Variants in NLRP13 observed in about 807,000 individuals in gnomAD.
NLRP13 encodes NLR family pyrin domain containing 13.
A neutral mutation model predicts 94.4 loss-of-function variants in NLRP13; 82 were observed. The observed-to-expected ratio is 0.87, with a 90% CI of 0.73 to 1.04. NLRP13 has a LOEUF of 1.04. Ranked by LOEUF, NLRP13 falls within the 50% of genes least tolerant of loss-of-function variation. NLRP13 has a pLI of 0.00. For missense variants in NLRP13, 1,426 were observed against 1,230.8 expected (o/e 1.16, Z -2.37); for synonymous variants, 553 against 464.7 (o/e 1.19, Z -2.45).
chr19:55,913,457 G>A (rs1193912439), intron 4 of NLRP13, among the ~76,000 whole-genome samples, 164 bp from the exon 5 acceptor site: 1 of 148,336 alleles, frequency 6.7e-6, no homozygotes, highest in Non-Finnish European at 1.5e-5. Flanking sequence ...GGCTGAGGTA[G>A]GAGAATGGCG....
At chr19:55,909,931 C>CCTT (rs1384609553) in intron 6 of NLRP13, among the ~76,000 whole-genome samples, 1 of 152,120 alleles carries the variant, frequency 6.6e-6, no homozygotes, top group African/African-American at 2.4e-5. Context: ...TCAGTGAGGC[C>CCTT]CTTCTGCCTT....
intron 1 of NLRP13, among the ~76,000 whole-genome samples, chr19:55,930,901 A>ATATATATATATGTATATATATATTTTT (rs1338071833): frequency 1.0e-5 from 1 of 98,286 alleles, no homozygotes; most frequent in African/African-American, 5.8e-5. Context: ...TATATATAAA[A>ATATATATATATGTATATATATATTTTT]TTTTAACCAG....
chr19:55,901,939 GC>G, intron 9 of NLRP13, 95 bp downstream of exon 9: 4 of 1,290,584 alleles, frequency 3.1e-6, no homozygotes, highest in Non-Finnish European at 4.3e-6. Flanking sequence ...GCTTGTCCAC[GC>G]CTCATTCAAA....
chr19:55,910,751 A>G lies in NLRP13; in HGVS notation c.2112-18T>C. The G allele has an allele frequency of 6.3e-7, 1 of 1,586,112 alleles. No homozygotes were observed. Among genetic ancestry groups the G allele is most frequent in the African/African-American group, 1.3e-5 (1 of 74,568 alleles). ...TGCTTGTCCTTCATGAGGGAGAGAC[A>G]GAACACGGATAAGAGCAAATTAGCC... On this transcript the variant is annotated intron_variant, in intron 5 of 10. Transcript: ENST00000342929.
chr19:55,913,252 G>A lies in NLRP13; in HGVS notation c.565C>T (p.Leu189=), dbSNP rs748893537. ...CAACTGATGTTGTCCCATGTCTCCA[G>A]TAGTTCAGCCTTCATGTTCTCTCTG... ...KYRENMKAEL[L]ETWDNISWPK... The change falls in exon 5 of 11, where the codon CTG becomes TTG. Residue 189 remains leucine, a synonymous_variant. Coordinates refer to ENST00000342929, the MANE Select transcript of NLRP13 (RefSeq NM_176810.2). 3.1e-6 allele frequency: 5 copies of A among 1,614,118 alleles called. No individual in the cohort carries two copies. Among genetic ancestry groups the A allele is most frequent in the Non-Finnish European group, 4.2e-6 (5 of 1,180,018 alleles).
intron 6 of NLRP13, among the ~76,000 whole-genome samples, chr19:55,909,278 C>T (rs1986438393): frequency 6.6e-6 from 1 of 152,208 alleles, no homozygotes; most frequent in Admixed American, 6.5e-5. Context: ...GTCATTCATT[C>T]CTCCTTGGAT....
chr19:55,906,577 C>T (rs372981069), intron 7 of NLRP13, among the ~76,000 whole-genome samples: 8 of 152,156 alleles, frequency 5.3e-5, no homozygotes, highest in African/African-American at 1.9e-4. Flanking sequence ...AGGACTCCCT[C>T]AGGCTTCTCA....
chr19:55,893,475 A>G (rs1403181950), downstream of NLRP13, among the ~76,000 whole-genome samples: 1 of 152,182 alleles, frequency 6.6e-6, no homozygotes. Context: ...ACCTACCTAC[A>G]GAAAGACTAA....
intron 1 of NLRP13, among the ~76,000 whole-genome samples, chr19:55,930,237 C>T (rs1366374974): frequency 1.3e-5 from 2 of 152,210 alleles, no homozygotes; most frequent in East Asian, 3.8e-4. Flanking sequence ...GGGCTCATGT[C>T]CCAGCTCTCC....
chr19:55,924,093 G>C (rs1228575891), intron 3 of NLRP13, 114 bp from the exon 4 acceptor site: 2 of 789,830 alleles, frequency 2.5e-6, no homozygotes, highest in Non-Finnish European at 4.4e-6. Context: ...AGAGTGAAGA[G>C]ACTGGAGAAA....
intron 4 of NLRP13, among the ~76,000 whole-genome samples, chr19:55,917,294 T>C (rs1986697344): frequency 6.6e-6 from 1 of 151,888 alleles, no homozygotes; most frequent in South Asian, 2.1e-4. Flanking sequence ...ACCAGTCTTA[T>C]AAAGCAATTA....
In NLRP13 at chr19:55,910,751, A is replaced by T; in HGVS notation, c.2112-18T>A. The T allele has an allele frequency of 1.3e-6, 2 of 1,586,112 alleles. No individual in the cohort carries two copies. The highest frequency in any genetic ancestry group is 1.7e-6 in the Non-Finnish European group (2 of 1,159,572). Reference sequence around the variant, plus strand: ...TGCTTGTCCTTCATGAGGGAGAGACAGAACACGGATAAGAGCAAATTAGCC... The same window carrying T: ...TGCTTGTCCTTCATGAGGGAGAGACTGAACACGGATAAGAGCAAATTAGCC... On this transcript the variant is annotated intron_variant, in intron 5 of 10. Coordinates refer to ENST00000342929, the MANE Select transcript of NLRP13 (RefSeq NM_176810.2).
chr19:55,909,332 C>G (rs933755724), intron 6 of NLRP13, among the ~76,000 whole-genome samples: 2 of 152,140 alleles, frequency 1.3e-5, no homozygotes, highest in Non-Finnish European at 2.9e-5. Flanking sequence ...CAGCTGTGCT[C>G]CAGCTCCAGA....
rs757345411 is a variant in NLRP13 at position 55,902,050 on chromosome 19, T to C, written c.2774A>G (p.Asn925Ser). The change falls in exon 9 of 11, where the codon AAC becomes AGC. Residue 925 changes from asparagine to serine, a missense_variant. Coordinates refer to ENST00000342929, the MANE Select transcript of NLRP13 (RefSeq NM_176810.2). ...GAAAACTTACTTCAGGCTCTGCAGG[T>C]TACCATCTGGGCGACCCAAGGCCTC... ...LCEALGRPDG[N>S]LQSLNLSGCS... 4 of 1,614,026 alleles carry C rather than the reference T, an allele frequency of 2.5e-6. No individual in the cohort carries two copies. Among genetic ancestry groups the C allele is most frequent in the East Asian group, 2.2e-5 (1 of 44,868 alleles).
chr19:55,904,972 GT>G lies in NLRP13; in HGVS notation c.2587del (p.Thr863LeufsTer7). ...TCTCTCTAAGGCACACTTGGGGTGA[GT>G]CAGGGCCGCACACAATAGCTTTATG... The part of the protein sequence containing the change: ...DGIKLLCAAL[T>X]HPKCALERLE... On this transcript the variant is annotated frameshift_variant, in exon 8 of 11. Transcript: ENST00000342929. LOFTEE classifies it high-confidence loss of function. 6.2e-7 allele frequency: 1 copy of G among 1,614,002 alleles called. No homozygotes were observed. The highest frequency in any genetic ancestry group is 2.2e-5 in the East Asian group (1 of 44,874).
chr19:55,918,492 C>G (rs1490981577), intron 4 of NLRP13, among the ~76,000 whole-genome samples: 1 of 151,604 alleles, frequency 6.6e-6, no homozygotes, highest in East Asian at 1.9e-4. Flanking sequence ...GCTATACTAA[C>G]TAATGAAAGA....
At chr19:55,929,911 T>TA (rs957444522) in intron 1 of NLRP13, among the ~76,000 whole-genome samples, 24 of 151,812 alleles carry the variant, frequency 1.6e-4, no homozygotes, top group Admixed American at 6.6e-4. Context: ...ATTAAGACAG[T>TA]AAAAAAAAGA....
rs1986907200 is a variant in NLRP13, at chr19:55,923,987, A to G, written c.458-8T>C. The G allele has an allele frequency of 6.2e-7, 1 of 1,611,498 alleles. No individual in the cohort carries two copies. Among genetic ancestry groups the G allele is most frequent in the Non-Finnish European group, 8.5e-7 (1 of 1,177,710 alleles). The stretch of plus-strand genomic sequence containing the variant: ...CCTGGGCCTGTACATTCCCTGAAAT[A>G]AACAGTGATGATGAGATATGAAAAT... On this transcript the variant is annotated splice_polypyrimidine_tract_variant and splice_region_variant and intron_variant, in intron 3 of 10. Transcript: ENST00000342929.
Position 55,912,136 on chromosome 19 carries a change from T to A in NLRP13, c.1681A>T (p.Thr561Ser), listed in dbSNP as rs1465389480. ...AACATCTTCATCTCTTGTGGCTTTGTGGAATGGGGAGGGAATTCTCTAGGT... is the reference window on the plus strand; with the variant it reads ...AACATCTTCATCTCTTGTGGCTTTGAGGAATGGGGAGGGAATTCTCTAGGT... The part of the protein sequence containing the change: ...EEPREFPPHS[T>S]KPQEMKMLLQ... The change falls in exon 5 of 11, where the codon ACA becomes TCA. Residue 561 changes from threonine (T) to serine (S), a missense_variant. Transcript: ENST00000342929. 1.9e-6 allele frequency: 3 copies of A among 1,614,190 alleles called. No homozygotes were observed. Among genetic ancestry groups the A allele is most frequent in the South Asian group, 1.1e-5 (1 of 91,076 alleles).
Sources: gnomAD v4.1 joint callset for allele counts (sites outside exome capture counted in the v4.1 genomes callset) on GRCh38, gnomAD v4.1.1 for gene constraint, MANE v1.5 for transcripts, NCBI Gene and HGNC (gene_info 2026-07-23, HGNC 2026-07-21) for gene names.